The following USH2A variants were observed in gnomAD, a reference collection of about 807,000 sequenced individuals.
USH2A encodes Usher syndrome 2A (autosomal recessive, mild).
Under a neutral mutation model 538.9 loss-of-function variants are expected in USH2A, and 443 were observed. The observed-to-expected ratio is 0.82, with a 90% CI of 0.76 to 0.89. The LOEUF (loss-of-function observed/expected upper bound fraction) is 0.89, where lower values mean the gene tolerates loss of function less well. Ranked by LOEUF, USH2A falls within the 40% of genes least tolerant of loss-of-function variation. USH2A has a pLI of 0.00. For synonymous variants in USH2A, 2,413 were observed against 2,273.5 expected (o/e 1.06, Z -1.75); for missense variants, 6,633 against 6,324.8 (o/e 1.05, Z -1.65).
intron 47 of USH2A, among the ~76,000 whole-genome samples, chr1:215,836,015 T>A (rs963434108): frequency 1.3e-5 from 2 of 152,118 alleles, no homozygotes; most frequent in East Asian, 3.9e-4. Context: ...TGTGCAATAA[T>A]CTTCTTAAAG....
At position 215,999,052 on chromosome 1, in the gene USH2A, T is replaced by G. The variant is rs727503724; in HGVS notation, c.6492A>C (p.Lys2164Asn). The G allele has an allele frequency of 5.0e-6, 8 of 1,610,922 alleles. No homozygotes were observed. The East Asian group carries it at 1.6e-4, about 31-fold the overall frequency. ...LDSRTIHIQW[K>N]QPRKISGILE... ...GAATCCCACTTATTTTTCTTGGTTGTTTCCACCTGGGAATGGTAAAATACA... is the reference window on the plus strand; with the variant it reads ...GAATCCCACTTATTTTTCTTGGTTGGTTCCACCTGGGAATGGTAAAATACA... Residue 2164 changes from lysine (K) to asparagine (N), a missense_variant, in exon 34 of 72, where the codon AAA (lysine) becomes AAC (asparagine). Transcript: ENST00000307340.
intron 3 of USH2A, among the ~76,000 whole-genome samples, chr1:216,381,226 AG>A (rs1177134318): frequency 6.6e-6 from 1 of 152,188 alleles, no homozygotes; most frequent in Non-Finnish European, 1.5e-5. Flanking sequence ...TAAGGCAAAC[AG>A]GAAGAGCTTG....
At chr1:215,891,888 C>T (rs1665218997) in intron 40 of USH2A, among the ~76,000 whole-genome samples, 1 of 152,142 alleles carries the variant, frequency 6.6e-6, no homozygotes, top group South Asian at 2.1e-4. Flanking sequence ...GTTTAGAGAA[C>T]TCCCTCTTGG....
rs529767599 is a variant in USH2A, at chr1:216,200,252, A to G, written c.3317-131T>C. 3 of 985,804 alleles carry G rather than the reference A, an allele frequency of 3.0e-6. No individual in the cohort carries two copies. In the Admixed American group the frequency reaches 8.5e-5, roughly 28 times the overall value. 61.1% of individuals were successfully genotyped at this position (985,804 alleles called of 1,614,324 possible). A position where few individuals can be genotyped will look rare whatever the true frequency, so the allele number is the denominator to read the frequency against. ...AATCTACTCTTTTGATTAAGGATAC[A>G]TTTCATATTTTTAAAATTGAAATAA... is the stretch of plus-strand genomic sequence containing the variant. On this transcript the variant is annotated intron_variant, in intron 16 of 71. Coordinates refer to ENST00000307340, the MANE Select transcript of USH2A (RefSeq NM_206933.4).
At chr1:216,325,209 A>G in intron 6 of USH2A, 96 bp downstream of exon 6, 2 of 1,322,990 alleles carry the variant, frequency 1.5e-6, no homozygotes, top group Non-Finnish European at 2.2e-6. Context: ...CAGAACTGTT[A>G]GGGAATATAT....
At chr1:216,284,626 A>G (rs2036846803) in intron 11 of USH2A, among the ~76,000 whole-genome samples, 1 of 152,190 alleles carries the variant, frequency 6.6e-6, no homozygotes, top group Non-Finnish European at 1.5e-5. Context: ...AAAAAAGTGG[A>G]AGCAACTTTG....
At chr1:216,217,763 G>A (rs543770708) in intron 14 of USH2A, among the ~76,000 whole-genome samples, 28 of 151,956 alleles carry the variant, frequency 1.8e-4, no homozygotes, top group Non-Finnish European at 3.8e-4. Flanking sequence ...GGTAAAACCC[G>A]TATAAAGCTT....
At chr1:216,144,718 A>G (rs916495716) in intron 21 of USH2A, among the ~76,000 whole-genome samples, 5 of 152,132 alleles carry the variant, frequency 3.3e-5, no homozygotes, top group Non-Finnish European at 5.9e-5. Context: ...TAATTCACCA[A>G]TCTTTCCTTG....
intron 35 of USH2A, among the ~76,000 whole-genome samples, chr1:215,979,894 T>C (rs1346317116): frequency 6.6e-6 from 1 of 152,138 alleles, no homozygotes; most frequent in African/African-American, 2.4e-5. Context: ...TGTTTTTCAG[T>C]GTGAGGATAA....
At chr1:215,890,095 C>G (rs1665170741) in intron 40 of USH2A, among the ~76,000 whole-genome samples, 1 of 152,144 alleles carries the variant, frequency 6.6e-6, no homozygotes, top group Non-Finnish European at 1.5e-5. Flanking sequence ...TCAGTAACAG[C>G]TGTAATTCCA....
intron 11 of USH2A, among the ~76,000 whole-genome samples, chr1:216,254,283 C>T (rs985768346): frequency 2.0e-5 from 3 of 151,204 alleles, no homozygotes; most frequent in South Asian, 2.1e-4. Context: ...CTGAAAATAC[C>T]CAGTTTACTT....
In USH2A at chr1:216,327,598, T is replaced by G. The variant is rs2037760472; in HGVS notation, c.841A>C (p.Thr281Pro). Residue 281 changes from threonine (T) to proline (P), a missense_variant, in exon 5 of 72, where the codon ACA (threonine) becomes CCA (proline). Physicochemically the swap from Thr to Pro is conservative, Grantham distance 38. Transcript: ENST00000307340. ...QDFRLYQVAL[T>P]NREILEVFSG... Reference sequence around the variant, plus strand: ...AATGCAACATCTGCTTACCTGTTTGTAAGTGCCACTTGGTATAATCGAAAA... The same window carrying G: ...AATGCAACATCTGCTTACCTGTTTGGAAGTGCCACTTGGTATAATCGAAAA... 1 of 1,613,192 alleles carries G rather than the reference T, an allele frequency of 6.2e-7. No individual in the cohort carries two copies. Among genetic ancestry groups the G allele is most frequent in the East Asian group, 2.2e-5 (1 of 44,778 alleles).
chr1:215,782,562 C>T (rs192078603), intron 53 of USH2A, among the ~76,000 whole-genome samples, 176 bp downstream of exon 53: 13 of 152,252 alleles, frequency 8.5e-5, no homozygotes, highest in East Asian at 7.7e-4. Context: ...TAAAAATCTA[C>T]GAGGACTACA....
At chr1:215,768,653 T>C (rs774047689) in intron 55 of USH2A, among the ~76,000 whole-genome samples, 2 of 152,210 alleles carry the variant, frequency 1.3e-5, no homozygotes, top group Non-Finnish European at 2.9e-5. Context: ...GAAAATGCTA[T>C]GATTACAAAA....
chr1:215,806,913 G>A (rs902644570), intron 49 of USH2A, among the ~76,000 whole-genome samples: 1 of 151,932 alleles, frequency 6.6e-6, no homozygotes, highest in East Asian at 1.9e-4. Context: ...TTTCACTTGT[G>A]ACAGTTATTC....
intron 48 of USH2A, among the ~76,000 whole-genome samples, chr1:215,814,290 G>T (rs1052970710): frequency 6.9e-6 from 1 of 144,922 alleles, no homozygotes; most frequent in Non-Finnish European, 1.5e-5. Flanking sequence ...ATAAGATATA[G>T]ATCTTTTATT....
chr1:216,069,574 T>C (rs1490342676), intron 30 of USH2A, among the ~76,000 whole-genome samples: 2 of 152,190 alleles, frequency 1.3e-5, no homozygotes, highest in African/African-American at 4.8e-5. Context: ...GTGTTAGTGG[T>C]GTGTATGAGT....
At chr1:216,141,929 C>A (rs539835553) in intron 21 of USH2A, among the ~76,000 whole-genome samples, 1 of 149,182 alleles carries the variant, frequency 6.7e-6, no homozygotes, top group Non-Finnish European at 1.5e-5. Flanking sequence ...TTGGCCTTGA[C>A]CTCAGGAATC....
chr1:216,401,119 G>C lies in USH2A; in HGVS notation c.651+17395C>G, dbSNP rs116749763. The stretch of plus-strand genomic sequence containing the variant: ...AACTCAGTGTAATGTGATGCTCACT[G>C]TATGTAGGGGAAACACTTAAGACAA... On this transcript the variant is annotated intron_variant, in intron 3 of 71. Coordinates refer to ENST00000307340, the MANE Select transcript of USH2A (RefSeq NM_206933.4). 1.7e-3 allele frequency among the ~76,000 whole-genome samples: 258 copies of C among 152,166 alleles called. 5 individuals carry two copies. Among genetic ancestry groups the C allele is most frequent in the African/African-American group, 5.9e-3 (245 of 41,564 alleles).
Sources: gnomAD v4.1 joint callset for allele counts (sites outside exome capture counted in the v4.1 genomes callset) on GRCh38, gnomAD v4.1.1 for gene constraint, MANE v1.5 for transcripts, NCBI Gene and HGNC (gene_info 2026-07-23, HGNC 2026-07-21) for gene names.